Variants in GALNT18 observed in about 807,000 individuals in gnomAD.
The protein encoded by GALNT18 is GalNAc-transferase 18.
In GALNT18, 44 loss-of-function variants were observed where a neutral mutation model predicts 69.5. The observed-to-expected ratio is 0.63, with a 90% CI of 0.50 to 0.81. The LOEUF (loss-of-function observed/expected upper bound fraction) is 0.81, where lower values mean the gene tolerates loss of function less well. Ranked by LOEUF, GALNT18 falls within the 40% of genes least tolerant of loss-of-function variation. The pLI is 0.00. For missense variants in GALNT18, 715 were observed against 810.0 expected (o/e 0.88, Z 1.42); for synonymous variants, 364 against 318.2 (o/e 1.14, Z -1.53).
At chr11:11,289,210 C>T (rs1043156724) in intron 10 of GALNT18, among the ~76,000 whole-genome samples, 2 of 152,116 alleles carry the variant, frequency 1.3e-5, no homozygotes, top group Non-Finnish European at 2.9e-5. Flanking sequence ...TGATAAATAT[C>T]GATCATTTTG....
At chr11:11,453,794 T>C (rs1339404099) in intron 1 of GALNT18, among the ~76,000 whole-genome samples, 1 of 152,240 alleles carries the variant, frequency 6.6e-6, no homozygotes, top group Non-Finnish European at 1.5e-5. Flanking sequence ...TCCACCATGA[T>C]TGTGAGGCCT....
Position 11,494,458 on chromosome 11 carries a change from T to C in GALNT18, c.236-45522A>G, listed in dbSNP as rs1856831765. 1.3e-5 allele frequency among the ~76,000 whole-genome samples: 2 copies of C among 152,182 alleles called. No homozygotes were observed. Among genetic ancestry groups the C allele is most frequent in the African/African-American group, 4.8e-5 (2 of 41,442 alleles). The stretch of plus-strand genomic sequence containing the variant: ...GCCACATCCAAGAGGTTTCACACCA[T>C]CTTAGTGTCCTGCAAAGCTCAGCTC... On this transcript the variant is annotated intron_variant, in intron 1 of 10. Coordinates refer to ENST00000227756, the MANE Select transcript of GALNT18 (RefSeq NM_198516.3). The surrounding 1 kb of genome is among the most constrained non-coding windows in gnomAD (Gnocchi z 5.7).
rs1219609520 is a variant in GALNT18 at position 11,604,736 on chromosome 11, C to G, written c.235+16623G>C. ...ATAAGGAATTTGGGAAGCTTTTCTG[C>G]CCCAGGGAAGAATCAGCCTCAATGA... On this transcript the variant is annotated intron_variant, in intron 1 of 10. Coordinates refer to ENST00000227756, the MANE Select transcript of GALNT18 (RefSeq NM_198516.3). The surrounding 1 kb of genome is among the most constrained non-coding windows in gnomAD (Gnocchi z 5.6). Among the ~76,000 whole-genome samples, 1 of 152,088 alleles carries G rather than the reference C, an allele frequency of 6.6e-6. No individual in the cohort carries two copies. Among genetic ancestry groups the G allele is most frequent in the Non-Finnish European group, 1.5e-5 (1 of 67,998 alleles).
At chr11:11,499,101 C>G (rs753230405) in intron 1 of GALNT18, among the ~76,000 whole-genome samples, 3 of 152,298 alleles carry the variant, frequency 2.0e-5, no homozygotes, top group Non-Finnish European at 2.9e-5. Context: ...ACCTCGAGTC[C>G]TCGTGGTCAC....
chr11:11,391,665 C>T (rs930845298), intron 3 of GALNT18, among the ~76,000 whole-genome samples: 6 of 152,210 alleles, frequency 3.9e-5, no homozygotes, highest in Admixed American at 2.0e-4. Flanking sequence ...CTTACAAATG[C>T]GCAAAATGAG....
Position 11,309,677 on chromosome 11 carries a change from G to A in GALNT18, c.1513-16484C>T, listed in dbSNP as rs1447414315. Among the ~76,000 whole-genome samples, 1 of 152,076 alleles carries A rather than the reference G, an allele frequency of 6.6e-6. No homozygotes were observed. The highest frequency in any genetic ancestry group is 1.9e-4 in the East Asian group (1 of 5,192). On this transcript the variant is annotated intron_variant, in intron 9 of 10. Transcript: ENST00000227756. The surrounding 1 kb of genome is among the most constrained non-coding windows in gnomAD (Gnocchi z 4.6). ...AACTCATGATCTTTAACCTCAACCA[G>A]GTACTTCAACACAACCTAGTATTAC...
At chr11:11,298,425 G>C (rs536094034) in intron 9 of GALNT18, among the ~76,000 whole-genome samples, 2 of 152,372 alleles carry the variant, frequency 1.3e-5, no homozygotes, top group Admixed American at 6.5e-5. Flanking sequence ...TCCTTGCCTA[G>C]GGAGAAGTCC....
intron 9 of GALNT18, among the ~76,000 whole-genome samples, chr11:11,304,703 A>G (rs532293858): frequency 7.9e-5 from 12 of 152,352 alleles, no homozygotes; most frequent in African/African-American, 2.9e-4. Context: ...CTACTGAGCT[A>G]TCGTACATCA....
intron 6 of GALNT18, among the ~76,000 whole-genome samples, chr11:11,350,744 C>G (rs867455989): frequency 6.6e-6 from 1 of 152,278 alleles, no homozygotes; most frequent in South Asian, 2.1e-4. Flanking sequence ...CTTCTACTCC[C>G]CACCCCACCA....
Position 11,461,876 on chromosome 11 carries a change from C to T in GALNT18, c.236-12940G>A, listed in dbSNP as rs1856051859. Among the ~76,000 whole-genome samples the T allele has an allele frequency of 6.6e-6, 1 of 152,230 alleles. No homozygotes were observed. Among genetic ancestry groups the T allele is most frequent in the African/African-American group, 2.4e-5 (1 of 41,466 alleles). ...CTACAAGAGTCCTTGCTTTGGGAAACCTGCAGCCTGAATGAAGCTGCAAAA... is the reference window on the plus strand; with the variant it reads ...CTACAAGAGTCCTTGCTTTGGGAAATCTGCAGCCTGAATGAAGCTGCAAAA... On this transcript the variant is annotated intron_variant, in intron 1 of 10. Transcript: ENST00000227756. This position sits in a 1 kb window ranked among gnomAD's most constrained non-coding sequence, Gnocchi z 4.1.
In GALNT18 at chr11:11,587,732, C is replaced by T. The variant is rs889296400; in HGVS notation, c.235+33627G>A. Reference sequence around the variant, plus strand: ...AACAGGCAACATTTCCCCTTGACTTCCCCTGGTAGGTGATCAAACTTAAAG... The same window carrying T: ...AACAGGCAACATTTCCCCTTGACTTTCCCTGGTAGGTGATCAAACTTAAAG... On this transcript the variant is annotated intron_variant, in intron 1 of 10. Transcript: ENST00000227756. This position sits in a 1 kb window ranked among gnomAD's most constrained non-coding sequence, Gnocchi z 4.4. Among the ~76,000 whole-genome samples the T allele has an allele frequency of 3.3e-5, 5 of 151,988 alleles. No homozygotes were observed. The highest frequency in any genetic ancestry group is 1.2e-4 in the African/African-American group (5 of 41,282).
chr11:11,355,529 G>C (rs542484123), intron 6 of GALNT18, among the ~76,000 whole-genome samples: 4 of 152,256 alleles, frequency 2.6e-5, no homozygotes, highest in Non-Finnish European at 5.9e-5. Context: ...ACTCGCAAAA[G>C]CTTCTAGTTT....
intron 9 of GALNT18, among the ~76,000 whole-genome samples, chr11:11,319,602 G>A (rs192583764): frequency 6.6e-6 from 1 of 152,264 alleles, no homozygotes; most frequent in East Asian, 1.9e-4. Context: ...CAGGGTGCAA[G>A]AGCCCTTAGG....
intron 8 of GALNT18, among the ~76,000 whole-genome samples, chr11:11,328,446 C>T (rs543739109): frequency 1.3e-5 from 2 of 152,298 alleles, no homozygotes; most frequent in East Asian, 3.9e-4. Flanking sequence ...GGCCTTTGTA[C>T]TCCTGATGGT....
intron 3 of GALNT18, among the ~76,000 whole-genome samples, chr11:11,401,254 G>A (rs1481178841): frequency 1.3e-5 from 2 of 152,182 alleles, no homozygotes; most frequent in East Asian, 3.8e-4. Context: ...CCAGATCTGA[G>A]AGCTCAGAGT....
At chr11:11,495,202 T>C (rs1856845798) in intron 1 of GALNT18, among the ~76,000 whole-genome samples, 1 of 152,218 alleles carries the variant, frequency 6.6e-6, no homozygotes, top group Non-Finnish European at 1.5e-5. Context: ...TCCAACTTTG[T>C]TTCCTACAGT....
intron 2 of GALNT18, among the ~76,000 whole-genome samples, chr11:11,433,306 T>C (rs1855318272): frequency 6.6e-6 from 1 of 152,222 alleles, no homozygotes; most frequent in Non-Finnish European, 1.5e-5. Context: ...TGCTTCTCAC[T>C]CATCACAGAA....
intron 1 of GALNT18, among the ~76,000 whole-genome samples, chr11:11,452,240 C>T (rs1590016366): frequency 6.6e-6 from 1 of 152,308 alleles, no homozygotes; most frequent in East Asian, 1.9e-4. Flanking sequence ...GAGTCAGAAT[C>T]CTAGGGTTTA....
intron 10 of GALNT18, among the ~76,000 whole-genome samples, chr11:11,286,378 A>T (rs988130608): frequency 6.6e-6 from 1 of 152,034 alleles, no homozygotes; most frequent in Non-Finnish European, 1.5e-5. Flanking sequence ...TCTGTGTACC[A>T]CAGGTGGGAT....
Sources: gnomAD v4.1 joint callset for allele counts (sites outside exome capture counted in the v4.1 genomes callset) on GRCh38, gnomAD v4.1.1 for gene constraint, Gnocchi (gnomAD v3.1) non-coding constraint, MANE v1.5 for transcripts, NCBI Gene and HGNC (gene_info 2026-07-23, HGNC 2026-07-21) for gene names.